FEM1B: variants seen among roughly 807,000 people sequenced by gnomAD.
FEM1B encodes fem-1 homolog B.
A neutral mutation model predicts 38.6 loss-of-function variants in FEM1B; 10 were observed. The ratio of observed to expected loss-of-function variants is 0.26; its 90% confidence interval spans 0.16 to 0.44. FEM1B has a LOEUF of 0.44. FEM1B is among the 20% of genes least tolerant of loss of function. The pLI is 1.00. For synonymous variants in FEM1B, 288 were observed against 288.0 expected (o/e 1.00, Z 0.00); for missense variants, 471 against 786.7 (o/e 0.60, Z 4.80).
intron 1 of FEM1B, among the ~76,000 whole-genome samples, chr15:68,282,095 C>G (rs1892735132): frequency 6.6e-6 from 1 of 152,064 alleles, no homozygotes. Flanking sequence ...GGGAACAGAA[C>G]AAGGGGGAGG....
rs1355762374 is a variant in FEM1B, at chr15:68,290,379, A to G, written c.1021A>G (p.Ile341Val). Residue 341 changes from isoleucine (I) to valine (V), a missense_variant, in exon 2 of 2, where the codon ATT becomes GTT. By Grantham distance (29) the Ile-to-Val change is conservative. Around this residue, in one of 3 missense-constraint regions of FEM1B, gnomAD observed 380 missense variants for 599.6 expected, o/e 0.63. Coordinates refer to ENST00000306917, the MANE Select transcript of FEM1B (RefSeq NM_015322.5). This position sits in a 1 kb window ranked among gnomAD's most constrained non-coding sequence, Gnocchi z 9.7. ...VRERILGADNIDVSHPIIYRG... is the reference protein window; with the variant it reads ...VRERILGADNVDVSHPIIYRG... ...GGAACGGATTTTAGGTGCTGACAAT[A>G]TTGATGTTTCTCATCCCATCATTTA... The G allele has an allele frequency of 6.2e-7, 1 of 1,614,180 alleles. No homozygotes were observed.
chr15:68,288,593 T>TAAGTA lies in FEM1B; in HGVS notation c.249-1013_249-1009dup, dbSNP rs1218816374. Among the ~76,000 whole-genome samples the TAAGTA allele has an allele frequency of 6.6e-6, 1 of 152,202 alleles. No individual in the cohort carries two copies. The highest frequency in any genetic ancestry group is 1.5e-5 in the Non-Finnish European group (1 of 68,028). ...CTAGCAATAGTCTAATTTTGTATGT[T>TAAGTA]AAGTAGTGAATCTAGCACATATCAG... On this transcript the variant is annotated intron_variant, in intron 1 of 1. Transcript: ENST00000306917. This position sits in a 1 kb window ranked among gnomAD's most constrained non-coding sequence, Gnocchi z 4.6.
chr15:68,278,727 C>A lies in FEM1B; in HGVS notation c.248+62C>A. ...GCGGACTCGTTAATTCACGGGCCCTCCCCTCCCTCACCCTCTCTTACCCTC... is the reference window on the plus strand; with the variant it reads ...GCGGACTCGTTAATTCACGGGCCCTACCCTCCCTCACCCTCTCTTACCCTC... On this transcript the variant is annotated intron_variant, in intron 1 of 1. Transcript: ENST00000306917. The surrounding 1 kb of genome is among the most constrained non-coding windows in gnomAD (Gnocchi z 5.7). 6.3e-7 allele frequency: 1 copy of A among 1,593,366 alleles called. No homozygotes were observed. Among genetic ancestry groups the A allele is most frequent in the Non-Finnish European group, 8.6e-7 (1 of 1,164,026 alleles).
At chr15:68,283,502 TAA>T (rs60432847) in intron 1 of FEM1B, among the ~76,000 whole-genome samples, 1,163 of 71,756 alleles carry the variant, frequency 0.016, 19 homozygotes, top group African/African-American at 0.072. Flanking sequence ...CATCTCTACC[TAA>T]AAAAAAAAAA....
Position 68,291,903 on chromosome 15 carries a change from TATC to T in FEM1B, c.*665_*667del, listed in dbSNP as rs1402306671. On this transcript the variant is annotated 3_prime_UTR_variant, in exon 2 of 2. Coordinates refer to ENST00000306917, the MANE Select transcript of FEM1B (RefSeq NM_015322.5). This position sits in a 1 kb window ranked among gnomAD's most constrained non-coding sequence, Gnocchi z 6.9. ...TGCTGGGTAGTATATACAAAATGGT[TATC>T]ATCTTAAACCAACTTTTCAGAGAAT... 2 of 152,244 alleles carry T rather than the reference TATC, an allele frequency of 1.3e-5. No homozygotes were observed. The highest frequency in any genetic ancestry group is 2.9e-5 in the Non-Finnish European group (2 of 68,032). The allele number at this position is 152,244 out of a possible 1,614,324, so 9.4% of individuals were successfully genotyped here. A position where few individuals can be genotyped will look rare whatever the true frequency, so the allele number is the denominator to read the frequency against.
chr15:68,287,613 G>A (rs1479928988), intron 1 of FEM1B, among the ~76,000 whole-genome samples: 2 of 152,186 alleles, frequency 1.3e-5, no homozygotes, highest in African/African-American at 4.8e-5. Context: ...ATATTTATAT[G>A]TCTTAGTCTG....
At chr15:68,279,039 G>A in intron 1 of FEM1B, among the ~76,000 whole-genome samples, 1 of 152,158 alleles carries the variant, frequency 6.6e-6, no homozygotes, top group Non-Finnish European at 1.5e-5. Flanking sequence ...AATTAAGGAG[G>A]TCAGCGGTTA....
Position 68,278,404 on chromosome 15 carries a change from A to C in FEM1B, c.-14A>C. ...GCGGTGGCGACCAAACGGGTGTTGG[A>C]GTTGGCGGCGGCCATGGAGGGCCTG... On this transcript the variant is annotated 5_prime_UTR_variant, in exon 1 of 2. Coordinates refer to ENST00000306917, the MANE Select transcript of FEM1B (RefSeq NM_015322.5). The surrounding 1 kb of genome is among the most constrained non-coding windows in gnomAD (Gnocchi z 5.7). 3 of 1,606,394 alleles carry C rather than the reference A, an allele frequency of 1.9e-6. No homozygotes were observed. Among genetic ancestry groups the C allele is most frequent in the Non-Finnish European group, 2.5e-6 (3 of 1,176,746 alleles).
rs1892871213 is a variant in FEM1B at position 68,293,667 on chromosome 15, AAATC to A, written c.*2430_*2433del. The A allele has an allele frequency of 6.6e-6, 1 of 152,216 alleles. No individual in the cohort carries two copies. Among genetic ancestry groups the A allele is most frequent in the Non-Finnish European group, 1.5e-5 (1 of 68,020 alleles). The allele number at this position is 152,216 out of a possible 1,614,324, so 9.4% of individuals were successfully genotyped here. ...GCTGAGAATCTAATTCTATCTTGTA[AAATC>A]AATCCAAATGTGTATTGTGAAACAC... On this transcript the variant is annotated 3_prime_UTR_variant, in exon 2 of 2. Coordinates refer to ENST00000306917, the MANE Select transcript of FEM1B (RefSeq NM_015322.5). This position sits in a 1 kb window ranked among gnomAD's most constrained non-coding sequence, Gnocchi z 5.8.
rs1394460784 is a variant in FEM1B, at chr15:68,284,510, CTG to C, written c.249-5095_249-5094del. Among the ~76,000 whole-genome samples the C allele has an allele frequency of 5.3e-5, 8 of 151,910 alleles. No homozygotes were observed. The South Asian group carries it at 1.5e-3, about 28-fold the overall frequency. On this transcript the variant is annotated intron_variant, in intron 1 of 1. Transcript: ENST00000306917. This position sits in a 1 kb window ranked among gnomAD's most constrained non-coding sequence, Gnocchi z 4.4. Reference sequence around the variant, plus strand: ...TGCCTATTTTTGTTTTTAATTATATCTGTTTTTTTAGTGGAGGTATATCATAT... The same window carrying C: ...TGCCTATTTTTGTTTTTAATTATATCTTTTTTTAGTGGAGGTATATCATAT...
At chr15:68,283,502 T>TAAAAAAAAAAAA (rs60432847) in intron 1 of FEM1B, among the ~76,000 whole-genome samples, 1 of 71,982 alleles carries the variant, frequency 1.4e-5, no homozygotes, top group African/African-American at 6.4e-5. Flanking sequence ...CATCTCTACC[T>TAAAAAAAAAAAA]AAAAAAAAAA....
chr15:68,280,554 G>A lies in FEM1B; in HGVS notation c.248+1889G>A, dbSNP rs1404245368. Among the ~76,000 whole-genome samples, 2 of 152,182 alleles carry A rather than the reference G, an allele frequency of 1.3e-5. No individual in the cohort carries two copies. The highest frequency in any genetic ancestry group is 4.8e-5 in the African/African-American group (2 of 41,438). On this transcript the variant is annotated intron_variant, in intron 1 of 1. Transcript: ENST00000306917. This position sits in a 1 kb window ranked among gnomAD's most constrained non-coding sequence, Gnocchi z 4.2. ...AATCTAGAAAGGCTTCACAGAGGAGGTGACGTTCGAGCTGTGTTTTAAAGA... is the reference window on the plus strand; with the variant it reads ...AATCTAGAAAGGCTTCACAGAGGAGATGACGTTCGAGCTGTGTTTTAAAGA...
chr15:68,287,080 G>A (rs1411179623), intron 1 of FEM1B, among the ~76,000 whole-genome samples: 2 of 152,012 alleles, frequency 1.3e-5, no homozygotes, highest in South Asian at 2.1e-4. Context: ...TGGTAGAGAC[G>A]GGGTTTCACC....
chr15:68,293,630 G>T lies in FEM1B; in HGVS notation c.*2388G>T, dbSNP rs561528969. ...TGTTTGTTTAGTATAGTGGTAAATTGTGTAGTATCTTGCTGAGAATCTAAT... is the reference window on the plus strand; with the variant it reads ...TGTTTGTTTAGTATAGTGGTAAATTTTGTAGTATCTTGCTGAGAATCTAAT... On this transcript the variant is annotated 3_prime_UTR_variant, in exon 2 of 2. Coordinates refer to ENST00000306917, the MANE Select transcript of FEM1B (RefSeq NM_015322.5). The surrounding 1 kb of genome is among the most constrained non-coding windows in gnomAD (Gnocchi z 5.8). 1 of 152,168 alleles carries T rather than the reference G, an allele frequency of 6.6e-6. No homozygotes were observed. Among genetic ancestry groups the T allele is most frequent in the African/African-American group, 2.4e-5 (1 of 41,438 alleles). 9.4% of individuals were successfully genotyped at this position (152,168 alleles called of 1,614,324 possible). A position where few individuals can be genotyped will look rare whatever the true frequency, so the allele number is the denominator to read the frequency against.
At position 68,289,435 on chromosome 15, in the gene FEM1B, A is replaced by G; in HGVS notation, c.249-172A>G. 1.7e-6 allele frequency: 1 copy of G among 605,496 alleles called. No individual in the cohort carries two copies. The highest frequency in any genetic ancestry group is 2.9e-6 in the Non-Finnish European group (1 of 341,760). The allele number at this position is 605,496 out of a possible 1,614,324, so 37.5% of individuals were successfully genotyped here. A position where few individuals can be genotyped will look rare whatever the true frequency, so the allele number is the denominator to read the frequency against. On this transcript the variant is annotated intron_variant, in intron 1 of 1. Coordinates refer to ENST00000306917, the MANE Select transcript of FEM1B (RefSeq NM_015322.5). The surrounding 1 kb of genome is among the most constrained non-coding windows in gnomAD (Gnocchi z 6.9). ...ATATATTGAGCTTTATATTAGGTACAAGTACTATGCAAAGTGCTTTCCTTA... is the reference window on the plus strand; with the variant it reads ...ATATATTGAGCTTTATATTAGGTACGAGTACTATGCAAAGTGCTTTCCTTA...
Position 68,280,280 on chromosome 15 carries a change from A to G in FEM1B, c.248+1615A>G, listed in dbSNP as rs1892711718. On this transcript the variant is annotated intron_variant, in intron 1 of 1. Transcript: ENST00000306917. The surrounding 1 kb of genome is among the most constrained non-coding windows in gnomAD (Gnocchi z 4.2). ...TCTTGCCCAATGTTCTGTACTGGCC[A>G]GAGAAATTAATGAGTTCGGTAAGTA... 6.6e-6 allele frequency: 1 copy of G among 152,252 alleles called. No homozygotes were observed. Among genetic ancestry groups the G allele is most frequent in the African/African-American group, 2.4e-5 (1 of 41,462 alleles). The allele number at this position is 152,252 out of a possible 1,614,324, so 9.4% of individuals were successfully genotyped here.
At position 68,289,512 on chromosome 15, in the gene FEM1B, G is replaced by A; in HGVS notation, c.249-95G>A. ...ACTGATGTTTTATTAATGTTCTGGAGAGTGAGGTCTTGGTCGGTGGGAGTG... is the reference window on the plus strand; with the variant it reads ...ACTGATGTTTTATTAATGTTCTGGAAAGTGAGGTCTTGGTCGGTGGGAGTG... On this transcript the variant is annotated intron_variant, in intron 1 of 1. Transcript: ENST00000306917. The surrounding 1 kb of genome is among the most constrained non-coding windows in gnomAD (Gnocchi z 6.9). 1 of 787,324 alleles carries A rather than the reference G, an allele frequency of 1.3e-6. No individual in the cohort carries two copies. Among genetic ancestry groups the A allele is most frequent in the Non-Finnish European group, 2.1e-6 (1 of 483,436 alleles). The allele number at this position is 787,324 out of a possible 1,614,324, so 48.8% of individuals were successfully genotyped here.
rs1892877119 is a variant in FEM1B at position 68,294,098 on chromosome 15, G to T, written c.*2856G>T. 1 of 152,122 alleles carries T rather than the reference G, an allele frequency of 6.6e-6. No individual in the cohort carries two copies. The highest frequency in any genetic ancestry group is 2.4e-5 in the African/African-American group (1 of 41,430). 9.4% of individuals were successfully genotyped at this position (152,122 alleles called of 1,614,324 possible). ...GGGTTTTATGCACTTGATAGAGTTG[G>T]CAAAATTGAACTATGAAGTTAACTA... On this transcript the variant is annotated 3_prime_UTR_variant, in exon 2 of 2. Transcript: ENST00000306917. The surrounding 1 kb of genome is among the most constrained non-coding windows in gnomAD (Gnocchi z 4.4).
chr15:68,287,079 C>T (rs1327380839), intron 1 of FEM1B, among the ~76,000 whole-genome samples: 1 of 152,072 alleles, frequency 6.6e-6, no homozygotes, highest in Non-Finnish European at 1.5e-5. Context: ...TTGGTAGAGA[C>T]GGGGTTTCAC....
Sources: allele counts gnomAD v4.1 joint callset (sites outside exome capture counted in the v4.1 genomes callset), GRCh38; gene constraint gnomAD v4.1.1; regional missense constraint gnomAD v4.1.1; non-coding constraint Gnocchi (gnomAD v3.1); transcripts MANE v1.5; gene names NCBI Gene and HGNC (gene_info 2026-07-23, HGNC 2026-07-21).